KLF12: variants seen among roughly 807,000 people sequenced by gnomAD.
The protein encoded by KLF12 is KLF transcription factor 12.
Under a neutral mutation model 37.8 loss-of-function variants are expected in KLF12, and 9 were observed. That is an observed-to-expected ratio of 0.24 (90% confidence interval 0.14 to 0.42). KLF12 has a LOEUF of 0.42. Ranked by LOEUF, KLF12 falls within the 10% of genes least tolerant of loss-of-function variation. The probability of loss-of-function intolerance (pLI) is 1.00; values close to 1 mark genes in which losing one functional copy is unlikely to be tolerated. For missense variants in KLF12, 411 were observed against 516.0 expected (o/e 0.80, Z 1.97); for synonymous variants, 208 against 202.1 (o/e 1.03, Z -0.25).
At chr13:74,168,886 C>T in the KLF12 span, among the ~76,000 whole-genome samples, 1 of 152,208 alleles carries the variant, frequency 6.6e-6, no homozygotes, top group Non-Finnish European at 1.5e-5. Context: ...ACTAATGTTA[C>T]AAGTTCCTAT....
intron 3 of KLF12, among the ~76,000 whole-genome samples, chr13:73,923,485 G>T (rs908858982): frequency 6.6e-6 from 1 of 152,130 alleles, no homozygotes; most frequent in African/African-American, 2.4e-5. Flanking sequence ...TTTCTCAGAC[G>T]TCTCCAGGCT....
chr13:74,072,404 T>TATATATATAA (rs1397789699), intron 1 of KLF12, among the ~76,000 whole-genome samples: 7 of 118,040 alleles, frequency 5.9e-5, no homozygotes, highest in Non-Finnish European at 9.1e-5. Flanking sequence ...TATATATATA[T>TATATATATAA]ATAAAAGATT....
chr13:73,741,631 G>A (rs1877989107), intron 6 of KLF12, among the ~76,000 whole-genome samples: 1 of 152,136 alleles, frequency 6.6e-6, no homozygotes, highest in East Asian at 1.9e-4. Context: ...TCAATTTCAA[G>A]TATGTTAAGG....
the KLF12 span, among the ~76,000 whole-genome samples, chr13:74,293,526 G>A: frequency 1.3e-5 from 2 of 152,168 alleles, no homozygotes; most frequent in East Asian, 3.9e-4. Flanking sequence ...ATGAACTGAC[G>A]GAAGTGTCAC....
intron 5 of KLF12, among the ~76,000 whole-genome samples, chr13:73,768,757 A>G (rs1007622742): frequency 6.6e-6 from 1 of 152,160 alleles, no homozygotes; most frequent in African/African-American, 2.4e-5. Context: ...TACTGTCCAC[A>G]TTTTATCTTT....
intron 3 of KLF12, among the ~76,000 whole-genome samples, chr13:73,858,167 G>A (rs532625079): frequency 1.2e-4 from 19 of 152,176 alleles, no homozygotes; most frequent in African/African-American, 4.1e-4. Flanking sequence ...AGAAAGAAAA[G>A]TATTTTGAGA....
intron 6 of KLF12, among the ~76,000 whole-genome samples, chr13:73,733,009 G>T (rs563744327): frequency 1.3e-4 from 20 of 151,954 alleles, no homozygotes; most frequent in Non-Finnish European, 1.3e-4. Flanking sequence ...CCTCTAAAAC[G>T]TATCTCAAAT....
chr13:73,889,723 C>T (rs564806980), intron 3 of KLF12, among the ~76,000 whole-genome samples: 26 of 151,576 alleles, frequency 1.7e-4, no homozygotes, highest in Admixed American at 7.9e-4. Context: ...AAAGATAATG[C>T]AAAATAAAGG....
chr13:73,698,612 T>A (rs1488314661), intron 7 of KLF12, among the ~76,000 whole-genome samples: 2 of 152,220 alleles, frequency 1.3e-5, no homozygotes, highest in African/African-American at 4.8e-5. Context: ...ATTTTATGCA[T>A]AAACATTATA....
rs141797805 is a variant in KLF12, at chr13:74,010,858, A to G, written c.-31-15805T>C. Among the ~76,000 whole-genome samples the G allele has an allele frequency of 3.8e-3, 573 of 152,348 alleles. 5 individuals carry two copies. The highest frequency in any genetic ancestry group is 0.013 in the African/African-American group (534 of 41,588). On this transcript the variant is annotated intron_variant, in intron 1 of 7. Coordinates refer to ENST00000377669, the MANE Select transcript of KLF12 (RefSeq NM_007249.5). ...CAGTCTCCTTTTACAGAGAGGCAAT[A>G]GAAGACTGGTTCATGGTTTTTCAAA...
At chr13:74,049,803 C>T (rs1872787908) in intron 1 of KLF12, among the ~76,000 whole-genome samples, 1 of 152,122 alleles carries the variant, frequency 6.6e-6, no homozygotes. Flanking sequence ...TCTTCAAATT[C>T]TCATTCTCCG....
rs190128907 is a variant in KLF12, at chr13:73,734,996, G to C, written c.870-19471C>G. ...TTATATCCCACAATCTCTCCCTTAA[G>C]GACCATGCTGGCTGGGCATAGTGAC... On this transcript the variant is annotated intron_variant, in intron 6 of 7. Transcript: ENST00000377669. Among the ~76,000 whole-genome samples the C allele has an allele frequency of 4.6e-5, 7 of 152,018 alleles. No homozygotes were observed. The East Asian group carries it at 1.4e-3, about 29-fold the overall frequency.
At chr13:74,023,148 G>A (rs1395264001) in intron 1 of KLF12, among the ~76,000 whole-genome samples, 3 of 152,198 alleles carry the variant, frequency 2.0e-5, no homozygotes, top group Non-Finnish European at 2.9e-5. Context: ...TAACCCACCA[G>A]ATTAGAACCT....
the KLF12 span, among the ~76,000 whole-genome samples, chr13:74,299,664 TGC>T: frequency 1.3e-5 from 2 of 152,188 alleles, no homozygotes; most frequent in African/African-American, 4.8e-5. Context: ...TTTGAAGAAC[TGC>T]CATAGAGAGT....
intron 5 of KLF12, among the ~76,000 whole-genome samples, chr13:73,787,233 G>A (rs1881408625): frequency 6.6e-6 from 1 of 152,110 alleles, no homozygotes; most frequent in Admixed American, 6.6e-5. Flanking sequence ...GACTGTTCCA[G>A]ATACTCTGCA....
intron 3 of KLF12, among the ~76,000 whole-genome samples, chr13:73,877,464 T>C (rs1434055969): frequency 6.6e-6 from 1 of 152,222 alleles, no homozygotes; most frequent in Non-Finnish European, 1.5e-5. Context: ...TTCAAAACTG[T>C]CCTTATTTTT....
chr13:73,907,143 C>A (rs1888339612), intron 3 of KLF12, among the ~76,000 whole-genome samples: 1 of 152,140 alleles, frequency 6.6e-6, no homozygotes, highest in Non-Finnish European at 1.5e-5. Flanking sequence ...TCATTGAATG[C>A]AAAGTCCATA....
intron 4 of KLF12, among the ~76,000 whole-genome samples, chr13:73,835,729 C>T (rs912512112): frequency 1.3e-5 from 2 of 152,120 alleles, no homozygotes; most frequent in Admixed American, 6.5e-5. Context: ...CGCAGTACCA[C>T]ATTTGCATAT....
chr13:74,092,485 G>A (rs1040868022), intron 1 of KLF12, among the ~76,000 whole-genome samples: 53 of 151,444 alleles, frequency 3.5e-4, no homozygotes, highest in Non-Finnish European at 6.3e-4. Flanking sequence ...TTAGCCGGGT[G>A]TGGTGGCACT....
Sources: allele counts gnomAD v4.1 joint callset (sites outside exome capture counted in the v4.1 genomes callset), GRCh38; gene constraint gnomAD v4.1.1; transcripts MANE v1.5; gene names NCBI Gene and HGNC (gene_info 2026-07-23, HGNC 2026-07-21).